Variants in TLL1 observed in about 807,000 individuals in gnomAD.
TLL1 encodes the protein tolloid like 1.
TLL1 carries 49 observed loss-of-function variants against 128.2 expected under a neutral mutation model. The ratio of observed to expected loss-of-function variants is 0.38; its 90% CI spans 0.30 to 0.48. TLL1 has a LOEUF of 0.48. TLL1 is among the 20% of genes least tolerant of loss of function. The probability of loss-of-function intolerance (pLI) is 0.96; values close to 1 mark genes in which losing one functional copy is unlikely to be tolerated. For missense variants in TLL1, 1,123 were observed against 1,242.0 expected, an observed-to-expected ratio of 0.90 and a Z score of 1.44; for synonymous variants, 454 against 418.8, an observed-to-expected ratio of 1.08 and a Z score of -1.03.
intron 2 of TLL1, among the ~76,000 whole-genome samples, chr4:165,991,882 G>A (rs1211983974): frequency 2.6e-5 from 4 of 151,924 alleles, no homozygotes; most frequent in African/African-American, 9.7e-5. Context: ...ATTAGTGGCT[G>A]TATTGGTTGT....
intron 1 of TLL1, among the ~76,000 whole-genome samples, chr4:165,906,654 T>C (rs1198378372): frequency 2.6e-5 from 4 of 152,142 alleles, no homozygotes; most frequent in Non-Finnish European, 4.4e-5. Flanking sequence ...AATTTGAGAT[T>C]AATTATTGCA....
chr4:166,055,013 A>G lies in TLL1; in HGVS notation c.1525-63A>G, dbSNP rs1739937321. On this transcript the variant is annotated intron_variant, in intron 12 of 20. Transcript: ENST00000061240. Reference sequence around the variant, plus strand: ...GAAGTATGGCACTGAGAAGACATCTATCCTCCTATATAAAATGTTTTATCT... The same window carrying G: ...GAAGTATGGCACTGAGAAGACATCTGTCCTCCTATATAAAATGTTTTATCT... 19 of 1,367,402 alleles carry G rather than the reference A, an allele frequency of 1.4e-5. No homozygotes were observed. The South Asian group carries it at 2.4e-4, about 17-fold the overall frequency. 84.7% of individuals were successfully genotyped at this position (1,367,402 alleles called of 1,614,324 possible). A position where few individuals can be genotyped will look rare whatever the true frequency, so the allele number is the denominator to read the frequency against.
intron 7 of TLL1, among the ~76,000 whole-genome samples, chr4:166,011,106 A>AT (rs1304794919): frequency 6.6e-6 from 1 of 151,090 alleles, no homozygotes; most frequent in Non-Finnish European, 1.5e-5. Flanking sequence ...TTTTTCAAAT[A>AT]TTTTTTCTTT....
Position 165,989,303 on chromosome 4 carries a change from A to G in TLL1, c.170-78A>G, listed in dbSNP as rs113853880. The G allele has an allele frequency of 2.5e-4, 270 of 1,091,546 alleles. No individual in the cohort carries two copies. In the African/African-American group the frequency reaches 3.6e-3, roughly 15 times the overall value. The allele number at this position is 1,091,546 out of a possible 1,614,324, so 67.6% of individuals were successfully genotyped here. On this transcript the variant is annotated intron_variant, in intron 1 of 20. Transcript: ENST00000061240. ...CAGACCACGTTTCCATATTTTTAAC[A>G]ATGCTTTTCTAATTAGCTTTGTGTG... is the stretch of plus-strand genomic sequence containing the variant.
chr4:166,065,582 C>A, intron 15 of TLL1, 101 bp from the exon 16 acceptor site: 1 of 1,314,928 alleles, frequency 7.6e-7, no homozygotes, highest in East Asian at 2.5e-5. Context: ...GTTTGACTAC[C>A]GTAAGAGTAA....
At chr4:166,008,893 G>A (rs912281778) in intron 7 of TLL1, among the ~76,000 whole-genome samples, 1 of 150,964 alleles carries the variant, frequency 6.6e-6, no homozygotes, top group African/African-American at 2.4e-5. Flanking sequence ...ATATTCAAAT[G>A]TATTAAGCTG....
intron 16 of TLL1, among the ~76,000 whole-genome samples, chr4:166,068,821 A>T (rs1740688870): frequency 6.6e-6 from 1 of 151,864 alleles, no homozygotes; most frequent in Non-Finnish European, 1.5e-5. Context: ...TGCTACAAAG[A>T]TGGTTCAGCG....
At chr4:166,076,776 T>C (rs1185452259) in intron 17 of TLL1, among the ~76,000 whole-genome samples, 1 of 152,190 alleles carries the variant, frequency 6.6e-6, no homozygotes, top group African/African-American at 2.4e-5. Context: ...GCTACCATAA[T>C]CATAGATTAT....
At chr4:166,032,139 G>C (rs1241797789) in intron 9 of TLL1, among the ~76,000 whole-genome samples, 1 of 151,842 alleles carries the variant, frequency 6.6e-6, no homozygotes, top group African/African-American at 2.4e-5. Flanking sequence ...AGCAAGACTA[G>C]AGATATTCAA....
At chr4:165,945,076 A>T (rs902864658) in intron 1 of TLL1, among the ~76,000 whole-genome samples, 4 of 152,154 alleles carry the variant, frequency 2.6e-5, no homozygotes, top group Admixed American at 2.0e-4. Context: ...GACATTTAGG[A>T]AATAGAATTT....
chr4:165,934,005 T>C lies in TLL1; in HGVS notation c.170-55376T>C, dbSNP rs140232081. On this transcript the variant is annotated intron_variant, in intron 1 of 20. Transcript: ENST00000061240. ...TCCACTGGTGACGTTCATCCTCTCT[T>C]TCTTTTTTTTGAGATGGAGTTTTGC... is the stretch of plus-strand genomic sequence containing the variant. Among the ~76,000 whole-genome samples, 93 of 152,116 alleles carry C rather than the reference T, an allele frequency of 6.1e-4. 3 individuals are homozygous for C. In the East Asian group the frequency reaches 9.5e-3, roughly 16 times the overall value.
intron 1 of TLL1, among the ~76,000 whole-genome samples, chr4:165,894,450 G>A (rs1294842335): frequency 2.0e-5 from 3 of 152,112 alleles, no homozygotes; most frequent in Non-Finnish European, 2.9e-5. Flanking sequence ...GAAATGCACT[G>A]TCAACTTAGA....
intron 1 of TLL1, among the ~76,000 whole-genome samples, chr4:165,879,663 G>A (rs942260623): frequency 2.6e-5 from 4 of 151,774 alleles, no homozygotes; most frequent in African/African-American, 9.7e-5. Flanking sequence ...AATGCTTAGA[G>A]AAGACAGAGG....
At position 165,873,782 on chromosome 4, in the gene TLL1, G is replaced by T; in HGVS notation, c.-123G>T. The T allele has an allele frequency of 2.7e-6, 3 of 1,109,618 alleles. No homozygotes were observed. The highest frequency in any genetic ancestry group is 4.0e-6 in the Non-Finnish European group (3 of 747,848). 68.7% of individuals were successfully genotyped at this position (1,109,618 alleles called of 1,614,324 possible). ...TGTTTCCGGACACCTGAGCACCCCG[G>T]TCCCGCCGAGGAGCCTCCGGGTGGG... is the stretch of plus-strand genomic sequence containing the variant. On this transcript the variant is annotated 5_prime_UTR_variant, in exon 1 of 21. Transcript: ENST00000061240.
chr4:165,919,827 C>A (rs1299950230), intron 1 of TLL1: 2 of 456,118 alleles, frequency 4.4e-6, no homozygotes, highest in South Asian at 1.5e-5. Context: ...TGCTTCTTTA[C>A]TTCCAGACTG....
chr4:166,041,031 G>A (rs1324455032), intron 10 of TLL1, among the ~76,000 whole-genome samples: 1 of 152,148 alleles, frequency 6.6e-6, no homozygotes, highest in African/African-American at 2.4e-5. Context: ...AGGAAGGAAG[G>A]AATGACAGGT....
intron 1 of TLL1, among the ~76,000 whole-genome samples, chr4:165,984,516 T>C (rs1205558748): frequency 1.3e-5 from 2 of 151,950 alleles, no homozygotes; most frequent in African/African-American, 4.8e-5. Flanking sequence ...ATGCCTTCAT[T>C]GTGAGCAAGA....
At chr4:165,957,701 CT>C (rs568454587) in intron 1 of TLL1, among the ~76,000 whole-genome samples, 4,710 of 135,588 alleles carry the variant, frequency 0.035, 172 homozygotes, top group African/African-American at 0.098. Flanking sequence ...TTGGATCATT[CT>C]TTTTTTTTTT....
At chr4:165,943,868 C>T (rs1404982266) in intron 1 of TLL1, among the ~76,000 whole-genome samples, 1 of 152,214 alleles carries the variant, frequency 6.6e-6, no homozygotes, top group Admixed American at 6.5e-5. Flanking sequence ...GGCTTCTGCT[C>T]ATCATGGTAT....
Sources: gnomAD v4.1 joint callset for allele counts (sites outside exome capture counted in the v4.1 genomes callset) on GRCh38, gnomAD v4.1.1 for gene constraint, MANE v1.5 for transcripts, NCBI Gene and HGNC (gene_info 2026-07-23, HGNC 2026-07-21) for gene names.